The following CDH4 variants were observed in gnomAD, a reference collection of about 807,000 sequenced individuals.
CDH4 encodes the protein cadherin 4, also known as cadherin-4.
CDH4 carries 33 observed loss-of-function variants against 86.0 expected under a neutral mutation model. The observed-to-expected ratio is 0.38, with a 90% CI of 0.29 to 0.51. The LOEUF is 0.51. Among genes scored for constraint, CDH4 ranks in the 20% least tolerant of loss-of-function variants. The probability of loss-of-function intolerance (pLI) is 0.86; values close to 1 mark genes in which losing one functional copy is unlikely to be tolerated. For synonymous variants in CDH4, 555 were observed against 549.4 expected, an observed-to-expected ratio of 1.01 and a Z score of -0.14; for missense variants, 1,114 against 1,307.4, an observed-to-expected ratio of 0.85 and a Z score of 2.28.
At chr20:61,917,922 A>C (rs2054922777) in intron 9 of CDH4, among the ~76,000 whole-genome samples, 1 of 152,250 alleles carries the variant, frequency 6.6e-6, no homozygotes, top group African/African-American at 2.4e-5. Flanking sequence ...TTTTTAACGC[A>C]TGACATGCAG....
At chr20:61,913,204 C>T (rs749459342) in intron 9 of CDH4, among the ~76,000 whole-genome samples, 6 of 152,180 alleles carry the variant, frequency 3.9e-5, no homozygotes, top group Non-Finnish European at 8.8e-5. Context: ...AGCTGGAGCA[C>T]ACACAGCCCC....
Position 61,458,710 on chromosome 20 carries a change from TG to T in CDH4, c.169+203774del, listed in dbSNP as rs139264355. Among the ~76,000 whole-genome samples, 952 of 151,636 alleles carry T rather than the reference TG, an allele frequency of 6.3e-3. 4 individuals are homozygous for T. The highest frequency in any genetic ancestry group is 0.011 in the Non-Finnish European group (753 of 67,850). ...ATGATGGTGATGGGTGTAGTGGGGGTGATGAAGACGGTGATGTGGTAGCAGT... is the reference window on the plus strand; with the variant it reads ...ATGATGGTGATGGGTGTAGTGGGGGTATGAAGACGGTGATGTGGTAGCAGT... On this transcript the variant is annotated intron_variant, in intron 2 of 15. Coordinates refer to ENST00000614565, the MANE Select transcript of CDH4 (RefSeq NM_001794.5).
intron 2 of CDH4, among the ~76,000 whole-genome samples, chr20:61,432,017 G>A (rs6089595): frequency 0.028 from 4,337 of 152,300 alleles, 97 homozygotes; most frequent in Non-Finnish European, 0.043. Context: ...CAGTTATGGA[G>A]CACACATTCT....
chr20:61,694,169 A>G (rs1369047396), intron 2 of CDH4, among the ~76,000 whole-genome samples: 2 of 152,096 alleles, frequency 1.3e-5, no homozygotes, highest in Admixed American at 1.3e-4. Flanking sequence ...GGTGTGAGCC[A>G]CCATGCCCAG....
chr20:61,440,789 C>G (rs914129507), intron 2 of CDH4, among the ~76,000 whole-genome samples: 2 of 152,168 alleles, frequency 1.3e-5, no homozygotes, highest in Admixed American at 1.3e-4. Flanking sequence ...CCCGATGCCT[C>G]TGGTTGTCAT....
intron 4 of CDH4, among the ~76,000 whole-genome samples, chr20:61,819,399 A>G (rs928692476): frequency 1.1e-4 from 16 of 150,894 alleles, no homozygotes; most frequent in Admixed American, 6.6e-4. Context: ...GGAGCGTTCC[A>G]TGCATTCGCT....
chr20:61,436,159 C>T (rs1386193393), intron 2 of CDH4, among the ~76,000 whole-genome samples: 3 of 152,150 alleles, frequency 2.0e-5, no homozygotes, highest in East Asian at 1.9e-4. Context: ...CTCCTAGTCT[C>T]GGCTTCAACC....
chr20:61,601,242 T>G (rs1012256207), intron 2 of CDH4, among the ~76,000 whole-genome samples: 3 of 152,022 alleles, frequency 2.0e-5, no homozygotes, highest in Non-Finnish European at 4.4e-5. Context: ...CCACATACTT[T>G]AAACAACCGG....
chr20:61,745,791 G>A (rs1051186962), intron 3 of CDH4, among the ~76,000 whole-genome samples: 1 of 152,160 alleles, frequency 6.6e-6, no homozygotes, highest in African/African-American at 2.4e-5. Context: ...CTGTCCCCAA[G>A]TCCCCGATTG....
At chr20:61,839,001 G>A (rs893618482) in intron 4 of CDH4, among the ~76,000 whole-genome samples, 2 of 152,210 alleles carry the variant, frequency 1.3e-5, no homozygotes, top group Non-Finnish European at 2.9e-5. Context: ...GGAGAGAGGG[G>A]AACTGCTCCA....
intron 2 of CDH4, among the ~76,000 whole-genome samples, chr20:61,534,677 T>C (rs901593916): frequency 7.0e-6 from 1 of 143,332 alleles, no homozygotes; most frequent in Non-Finnish European, 1.5e-5. Flanking sequence ...TTTTTTTTTT[T>C]TTTTTTTTTT....
At chr20:61,688,323 C>T (rs2087611699) in intron 2 of CDH4, among the ~76,000 whole-genome samples, 1 of 152,078 alleles carries the variant, frequency 6.6e-6, no homozygotes, top group African/African-American at 2.4e-5. Flanking sequence ...CCTTCCTCCT[C>T]CCTCCTCTCT....
In CDH4 at chr20:61,510,149, G is replaced by T. The variant is rs1460211867; in HGVS notation, c.170-233414G>T. Among the ~76,000 whole-genome samples the T allele has an allele frequency of 6.6e-6, 1 of 152,172 alleles. No individual in the cohort carries two copies. Among genetic ancestry groups the T allele is most frequent in the Non-Finnish European group, 1.5e-5 (1 of 68,038 alleles). The stretch of plus-strand genomic sequence containing the variant: ...TTCATTTAAAGTTGTTTGAAAATCT[G>T]ATCAGAAAGAGCTTCAACCCGGAAA... On this transcript the variant is annotated intron_variant, in intron 2 of 15. Coordinates refer to ENST00000614565, the MANE Select transcript of CDH4 (RefSeq NM_001794.5). The surrounding 1 kb of genome is among the most constrained non-coding windows in gnomAD (Gnocchi z 4.2).
At chr20:61,255,409 A>G (rs990049133) in intron 2 of CDH4, among the ~76,000 whole-genome samples, 41 of 152,232 alleles carry the variant, frequency 2.7e-4, no homozygotes, top group Admixed American at 1.3e-3. Context: ...GGAACTACCA[A>G]TTAGCTTTAT....
intron 2 of CDH4, among the ~76,000 whole-genome samples, chr20:61,324,209 C>T (rs1401727946): frequency 1.3e-5 from 2 of 152,062 alleles, no homozygotes; most frequent in African/African-American, 4.8e-5. Context: ...GCCAGGGATG[C>T]TGGGCCTGAG....
intron 2 of CDH4, among the ~76,000 whole-genome samples, chr20:61,294,152 G>A (rs2084339019): frequency 6.6e-6 from 1 of 152,112 alleles, no homozygotes; most frequent in African/African-American, 2.4e-5. Context: ...GACTGGCCGG[G>A]CCAGCCACCC....
At chr20:61,296,286 T>TGG (rs796269675) in intron 2 of CDH4, among the ~76,000 whole-genome samples, 213 of 128,408 alleles carry the variant, frequency 1.7e-3, no homozygotes, top group African/African-American at 5.8e-3. Flanking sequence ...CGTGGGTGCG[T>TGG]GTGTGTGTGT....
At chr20:61,822,711 G>A (rs548794763) in intron 4 of CDH4, among the ~76,000 whole-genome samples, 23 of 152,304 alleles carry the variant, frequency 1.5e-4, no homozygotes, top group African/African-American at 3.8e-4. Context: ...AGTTTGGGGC[G>A]GGAAAAGGTC....
At position 61,920,810 on chromosome 20, in the gene CDH4, G is replaced by A. The variant is rs62205042; in HGVS notation, c.1375-2641G>A. Reference sequence around the variant, plus strand: ...GGTATCATGGTGATTGCGTGGAAGCGTGGTGTCGTGATTGCATGGAAACGT... The same window carrying A: ...GGTATCATGGTGATTGCGTGGAAGCATGGTGTCGTGATTGCATGGAAACGT... On this transcript the variant is annotated intron_variant, in intron 9 of 15. Transcript: ENST00000614565. Among the ~76,000 whole-genome samples the A allele has an allele frequency of 1.1e-4, 16 of 141,934 alleles. No individual in the cohort carries two copies. The South Asian group carries it at 1.7e-3, about 15-fold the overall frequency. The allele number at this position is 141,934 out of a possible 152,430, so 93.1% of individuals were successfully genotyped here. A position where few individuals can be genotyped will look rare whatever the true frequency, so the allele number is the denominator to read the frequency against.
Sources: gnomAD v4.1 joint callset for allele counts (sites outside exome capture counted in the v4.1 genomes callset) on GRCh38, gnomAD v4.1.1 for gene constraint, Gnocchi (gnomAD v3.1) non-coding constraint, MANE v1.5 for transcripts, NCBI Gene and HGNC (gene_info 2026-07-23, HGNC 2026-07-21) for gene names.